CUX1: variants seen among roughly 807,000 people sequenced by gnomAD.
The protein encoded by CUX1 is cut like homeobox 1, also known as protein CASP.
In CUX1, 31 loss-of-function variants were observed where a neutral mutation model predicts 158.8. The ratio of observed to expected loss-of-function variants is 0.20; its 90% CI spans 0.15 to 0.26. The LOEUF is 0.26. Ranked by LOEUF, CUX1 falls within the 10% of genes least tolerant of loss-of-function variation. The probability of loss-of-function intolerance (pLI) is 1.00; values close to 1 mark genes in which losing one functional copy is unlikely to be tolerated. For missense variants in CUX1, 1,589 were observed against 2,014.6 expected (o/e 0.79, Z 4.04); for synonymous variants, 879 against 862.1 (o/e 1.02, Z -0.34).
intron 1 of CUX1, among the ~76,000 whole-genome samples, chr7:101,872,625 T>C (rs1798691683): frequency 1.3e-5 from 2 of 152,020 alleles, no homozygotes; most frequent in Non-Finnish European, 1.5e-5. Context: ...CTTTTCTGTA[T>C]GCGTGAAATA....
chr7:102,112,986 G>C (rs1283899677), intron 7 of CUX1, among the ~76,000 whole-genome samples: 1 of 152,100 alleles, frequency 6.6e-6, no homozygotes, highest in African/African-American at 2.4e-5. Context: ...AATGACGAGA[G>C]TGGGAGAAAA....
chr7:102,049,708 G>T (rs574934205), intron 3 of CUX1, among the ~76,000 whole-genome samples: 1 of 152,126 alleles, frequency 6.6e-6, no homozygotes, highest in African/African-American at 2.4e-5. Flanking sequence ...AAGAAAAACG[G>T]AAACCCATGA....
chr7:101,840,985 C>T (rs373714676), intron 1 of CUX1, among the ~76,000 whole-genome samples: 4 of 152,116 alleles, frequency 2.6e-5, no homozygotes, highest in South Asian at 4.2e-4. Context: ...CCTCTGCCTC[C>T]CGGGTTCACA....
At chr7:102,225,893 G>A (rs1328923901) in intron 20 of CUX1, among the ~76,000 whole-genome samples, 2 of 152,202 alleles carry the variant, frequency 1.3e-5, no homozygotes, top group Non-Finnish European at 2.9e-5. Context: ...GGCACTGTGG[G>A]GTCTTACTCT....
At chr7:101,967,528 G>A (rs557761788) in intron 2 of CUX1, among the ~76,000 whole-genome samples, 52 of 152,244 alleles carry the variant, frequency 3.4e-4, no homozygotes, top group African/African-American at 1.2e-3. Context: ...AAATTCTTTC[G>A]CAAATAATGG....
chr7:102,278,657 AAAAAT>A lies in CUX1; in HGVS notation c.1680+604_1680+608del, dbSNP rs1301777570. On this transcript the variant is annotated intron_variant, in intron 18 of 22. Coordinates refer to the CUX1 transcript ENST00000292538. The stretch of plus-strand genomic sequence containing the variant: ...AATAAAATAAAATAAAATAAAATAA[AAAAAT>A]AAAATAAAATATAAAATAAAATAAA... Among the ~76,000 whole-genome samples the A allele has an allele frequency of 2.3e-4, 23 of 99,110 alleles. No homozygotes were observed. In the Middle Eastern group the frequency reaches 0.016, roughly 71 times the overall value. The allele number at this position is 99,110 out of a possible 152,430, so 65.0% of individuals were successfully genotyped here. A position where few individuals can be genotyped will look rare whatever the true frequency, so the allele number is the denominator to read the frequency against.
At chr7:102,203,742 T>C (rs1306304053) in intron 18 of CUX1, among the ~76,000 whole-genome samples, 6 of 152,100 alleles carry the variant, frequency 3.9e-5, no homozygotes, top group African/African-American at 1.4e-4. Context: ...GGGGTGTTTG[T>C]GCCTATACAT....
Position 102,257,947 on chromosome 7 carries a change from T to G in CUX1, c.*8905T>G, listed in dbSNP as rs1363266526. The G allele has an allele frequency of 5.1e-6, 5 of 983,944 alleles. No homozygotes were observed. In the African/African-American group the frequency reaches 8.8e-5, roughly 17 times the overall value. 61.0% of individuals were successfully genotyped at this position (983,944 alleles called of 1,614,324 possible). A position where few individuals can be genotyped will look rare whatever the true frequency, so the allele number is the denominator to read the frequency against. On this transcript the variant is annotated 3_prime_UTR_variant, in exon 24 of 24. Transcript: ENST00000292535. ...TCGCTTTGAGATGCCTCTGGTGTGT[T>G]GCTGTGTGACATCTCTCTGGTAACA...
chr7:102,244,460 G>A (rs190587562), intron 23 of CUX1, among the ~76,000 whole-genome samples: 1 of 152,318 alleles, frequency 6.6e-6, no homozygotes, highest in Admixed American at 6.5e-5. Context: ...CATTTGGGGA[G>A]GCCAAGGTGG....
At chr7:101,882,328 G>A (rs1256663318) in intron 1 of CUX1, among the ~76,000 whole-genome samples, 1 of 152,122 alleles carries the variant, frequency 6.6e-6, no homozygotes, top group Non-Finnish European at 1.5e-5. Context: ...CGAAGGGGAC[G>A]GCTGACCAAT....
chr7:101,926,574 A>G lies in CUX1; in HGVS notation c.141+10349A>G, dbSNP rs1030815066. Among the ~76,000 whole-genome samples the G allele has an allele frequency of 3.3e-5, 5 of 152,170 alleles. 1 individual carries two copies. The South Asian group carries it at 1.0e-3, about 32-fold the overall frequency. On this transcript the variant is annotated intron_variant, in intron 2 of 23. Transcript: ENST00000292535. ...CAGCATTAATAGTATTGTGACCTCCATGGCACTGTGACAGAAACTTAACCC... is the reference window on the plus strand; with the variant it reads ...CAGCATTAATAGTATTGTGACCTCCGTGGCACTGTGACAGAAACTTAACCC...
intron 2 of CUX1, among the ~76,000 whole-genome samples, chr7:101,978,641 C>T (rs1813018685): frequency 6.6e-6 from 1 of 152,262 alleles, no homozygotes; most frequent in African/African-American, 2.4e-5. Flanking sequence ...CAACCTTCCA[C>T]ATTCTGTGAC....
chr7:101,960,175 C>T (rs1200018793), intron 2 of CUX1: 2 of 152,142 alleles, frequency 1.3e-5, no homozygotes, highest in Non-Finnish European at 2.9e-5. Flanking sequence ...CGGAATCTGT[C>T]GTTTTAGCTT....
chr7:102,035,461 CTA>C (rs1362632044), intron 3 of CUX1, among the ~76,000 whole-genome samples: 2 of 151,868 alleles, frequency 1.3e-5, no homozygotes, highest in African/African-American at 4.8e-5. Flanking sequence ...ACATTTTTGA[CTA>C]TAATATTTTC....
intron 20 of CUX1, among the ~76,000 whole-genome samples, chr7:102,207,962 C>G (rs1554522137): frequency 6.6e-6 from 1 of 152,088 alleles, no homozygotes; most frequent in African/African-American, 2.4e-5. Context: ...CCAAGGCAGA[C>G]AGATCACCTG....
At chr7:101,991,750 C>T (rs1236763416) in intron 2 of CUX1, among the ~76,000 whole-genome samples, 1 of 119,860 alleles carries the variant, frequency 8.3e-6, no homozygotes, top group African/African-American at 3.2e-5. Flanking sequence ...CAGAGTGAGA[C>T]TTCATCTCAA....
intron 1 of CUX1, among the ~76,000 whole-genome samples, chr7:101,838,296 A>C (rs1794852437): frequency 6.6e-6 from 1 of 151,274 alleles, no homozygotes; most frequent in Non-Finnish European, 1.5e-5. Flanking sequence ...TGCCCGGCTA[A>C]TTTTTATATG....
chr7:102,164,360 T>C (rs1790782020), intron 9 of CUX1, among the ~76,000 whole-genome samples: 1 of 152,250 alleles, frequency 6.6e-6, no homozygotes, highest in Non-Finnish European at 1.5e-5. Flanking sequence ...CGAGGCCTGC[T>C]CAGAGTCCGT....
intron 14 of CUX1, among the ~76,000 whole-genome samples, chr7:102,263,282 T>C (rs2132748134): frequency 6.8e-6 from 1 of 146,744 alleles, no homozygotes; most frequent in South Asian, 2.1e-4. Flanking sequence ...CCCAAAGTAC[T>C]GGGATTACAG....
Sources: gnomAD v4.1 joint callset for allele counts (sites outside exome capture counted in the v4.1 genomes callset) on GRCh38, gnomAD v4.1.1 for gene constraint, MANE v1.5 for transcripts, NCBI Gene and HGNC (gene_info 2026-07-23, HGNC 2026-07-21) for gene names.